CGRRF1: variants seen among roughly 807,000 people sequenced by gnomAD.
The protein encoded by CGRRF1 is cell growth regulator with RING finger domain protein 1.
CGRRF1 carries 32 observed loss-of-function variants against 37.2 expected under a neutral mutation model. That is an observed-to-expected ratio of 0.86 (90% CI 0.65 to 1.16). The LOEUF (loss-of-function observed/expected upper bound fraction) is 1.16. CGRRF1 is among the 50% of genes most tolerant of loss of function. The pLI is 0.00. For synonymous variants in CGRRF1, 141 were observed against 140.3 expected (o/e 1.00, Z -0.04); for missense variants, 391 against 382.6 (o/e 1.02, Z -0.18).
At chr14:54,533,622 A>G (rs1415979401) in intron 4 of CGRRF1, among the ~76,000 whole-genome samples, 14 of 150,926 alleles carry the variant, frequency 9.3e-5, no homozygotes, top group African/African-American at 3.4e-4. Flanking sequence ...GTCAGGGACT[A>G]TATTTTTTTA....
rs143950400 is a variant in CGRRF1, at chr14:54,535,359, TCACACACACACA to T, written c.571-2339_571-2328del. On this transcript the variant is annotated intron_variant, in intron 4 of 5. Coordinates refer to ENST00000216420, the MANE Select transcript of CGRRF1 (RefSeq NM_006568.3). ...ACATGAGCATTTTTGAAGGGTATAG[TCACACACACACA>T]CACACACACACACACACACACACTT... 4.3e-5 allele frequency among the ~76,000 whole-genome samples: 6 copies of T among 140,590 alleles called. No homozygotes were observed. In the East Asian group the frequency reaches 8.7e-4, roughly 20 times the overall value. 92.2% of individuals were successfully genotyped at this position (140,590 alleles called of 152,430 possible). A position where few individuals can be genotyped will look rare whatever the true frequency, so the allele number is the denominator to read the frequency against.
At chr14:54,518,289 T>G (rs1452676108) in intron 1 of CGRRF1, among the ~76,000 whole-genome samples, 1 of 152,148 alleles carries the variant, frequency 6.6e-6, no homozygotes, top group Admixed American at 6.5e-5. Context: ...CTCATGCCTG[T>G]AATCCTAGCA....
At chr14:54,515,776 A>G (rs1455993883) in intron 1 of CGRRF1, among the ~76,000 whole-genome samples, 2 of 151,914 alleles carry the variant, frequency 1.3e-5, no homozygotes, top group Non-Finnish European at 2.9e-5. Context: ...TCTTTTTTTC[A>G]TCCTTTTACT....
chr14:54,535,172 A>G (rs1034768212), intron 4 of CGRRF1, among the ~76,000 whole-genome samples: 31 of 152,224 alleles, frequency 2.0e-4, no homozygotes, highest in South Asian at 6.2e-4. Context: ...TAACCACAGT[A>G]TAGTCATCTG....
At chr14:54,537,393 GTTTAATACTGAT>G (rs2032617056) in intron 4 of CGRRF1, 1 of 160,278 alleles carries the variant, frequency 6.2e-6, no homozygotes, top group African/African-American at 2.4e-5. Flanking sequence ...TTAAAAGACT[GTTTAATACTGAT>G]TTTAATTCCT....
rs368320914 is a variant in CGRRF1, at chr14:54,516,154, A to G, written c.104+6091A>G. Among the ~76,000 whole-genome samples the G allele has an allele frequency of 9.2e-5, 14 of 152,282 alleles. No individual in the cohort carries two copies. In the East Asian group the frequency reaches 1.2e-3, roughly 13 times the overall value. Reference sequence around the variant, plus strand: ...GTGGTTGCTTGAAAGTTTATAATGTATCTCTAACTTATCACCATCTACCTT... The same window carrying G: ...GTGGTTGCTTGAAAGTTTATAATGTGTCTCTAACTTATCACCATCTACCTT... On this transcript the variant is annotated intron_variant, in intron 1 of 5. Coordinates refer to ENST00000216420, the MANE Select transcript of CGRRF1 (RefSeq NM_006568.3).
chr14:54,533,322 T>C (rs1233961095), intron 4 of CGRRF1, among the ~76,000 whole-genome samples: 4 of 152,120 alleles, frequency 2.6e-5, no homozygotes, highest in Admixed American at 6.6e-5. Context: ...CTTGTTCCCA[T>C]AGGGAAGCCT....
rs2032630531 is a variant in CGRRF1 at position 54,538,180 on chromosome 14, C to T, written c.796C>T (p.Pro266Ser). ...KVGLSESEVE[P>S]SEENSKDCVV... ...GGGACTCTCTGAAAGTGAAGTTGAG[C>T]CATCGGAAGAGAACAGCAAGGACTG... The change falls in exon 6 of 6, where the codon CCA becomes TCA. Residue 266 changes from proline to serine, a missense_variant. By Grantham distance (74) the Pro-to-Ser change is moderately conservative. Coordinates refer to ENST00000216420, the MANE Select transcript of CGRRF1 (RefSeq NM_006568.3). 1 of 1,613,966 alleles carries T rather than the reference C, an allele frequency of 6.2e-7. No homozygotes were observed. Among genetic ancestry groups the T allele is most frequent in the African/African-American group, 1.3e-5 (1 of 74,864 alleles).
At position 54,525,883 on chromosome 14, in the gene CGRRF1, T is replaced by C. The variant is rs370051503; in HGVS notation, c.244+3290T>C. ...AGGCTGAGACGGGCGGATCCTTGAGTCCAGGAGTTCAAGACCAGCCTGGCC... is the reference window on the plus strand; with the variant it reads ...AGGCTGAGACGGGCGGATCCTTGAGCCCAGGAGTTCAAGACCAGCCTGGCC... On this transcript the variant is annotated intron_variant, in intron 2 of 5. Transcript: ENST00000216420. Among the ~76,000 whole-genome samples the C allele has an allele frequency of 4.6e-5, 7 of 152,072 alleles. No individual in the cohort carries two copies. In the East Asian group the frequency reaches 7.8e-4, roughly 17 times the overall value.
rs143950400 is a variant in CGRRF1, at chr14:54,535,359, TCACACA to T, written c.571-2333_571-2328del. On this transcript the variant is annotated intron_variant, in intron 4 of 5. Coordinates refer to ENST00000216420, the MANE Select transcript of CGRRF1 (RefSeq NM_006568.3). ...ACATGAGCATTTTTGAAGGGTATAGTCACACACACACACACACACACACACACACAC... is the reference window on the plus strand; with the variant it reads ...ACATGAGCATTTTTGAAGGGTATAGTCACACACACACACACACACACACAC... Among the ~76,000 whole-genome samples, 98 of 140,582 alleles carry T rather than the reference TCACACA, an allele frequency of 7.0e-4. 1 individual carries two copies. The highest frequency in any genetic ancestry group is 2.2e-3 in the African/African-American group (83 of 37,448). 92.2% of individuals were successfully genotyped at this position (140,582 alleles called of 152,430 possible). A position where few individuals can be genotyped will look rare whatever the true frequency, so the allele number is the denominator to read the frequency against.
At chr14:54,524,339 A>ATATT (rs367994372) in intron 2 of CGRRF1, among the ~76,000 whole-genome samples, 1 of 152,008 alleles carries the variant, frequency 6.6e-6, no homozygotes, top group African/African-American at 2.4e-5. Flanking sequence ...TTAGTCAAAT[A>ATATT]GATCATCAGG....
chr14:54,518,190 G>T (rs1352572823), intron 1 of CGRRF1, among the ~76,000 whole-genome samples: 1 of 152,120 alleles, frequency 6.6e-6, no homozygotes, highest in African/African-American at 2.4e-5. Context: ...GATTTTTGAG[G>T]AATTGCCATA....
chr14:54,515,259 T>C (rs2032196399), intron 1 of CGRRF1, among the ~76,000 whole-genome samples: 1 of 151,804 alleles, frequency 6.6e-6, no homozygotes, highest in Non-Finnish European at 1.5e-5. Flanking sequence ...CAACTAATTT[T>C]TTTTTTTAAT....
At chr14:54,525,540 C>T (rs1452031132) in intron 2 of CGRRF1, among the ~76,000 whole-genome samples, 20 of 152,240 alleles carry the variant, frequency 1.3e-4, no homozygotes, top group Non-Finnish European at 1.5e-5. Flanking sequence ...TATTATCTTT[C>T]TCCTATGGGG....
At chr14:54,518,657 G>A (rs1411149216) in intron 1 of CGRRF1, among the ~76,000 whole-genome samples, 1 of 152,090 alleles carries the variant, frequency 6.6e-6, no homozygotes, top group Non-Finnish European at 1.5e-5. Flanking sequence ...GCGTGAAATG[G>A]TATCTCATTG....
rs1450169214 is a variant in CGRRF1, at chr14:54,525,072, T to G, written c.244+2479T>G. On this transcript the variant is annotated intron_variant, in intron 2 of 5. Transcript: ENST00000216420. ...AAAAAATAAAATAAAAAATCAAGTG[T>G]ACAGCATAGTGGTGGTTCAATAACC... Among the ~76,000 whole-genome samples, 3 of 152,102 alleles carry G rather than the reference T, an allele frequency of 2.0e-5. No homozygotes were observed. The East Asian group carries it at 5.8e-4, about 29-fold the overall frequency.
At position 54,537,837 on chromosome 14, in the gene CGRRF1, G is replaced by A. The variant is rs368440719; in HGVS notation, c.678+8G>A. ...CAATTTCATGATCTTAAGGTAAGCC[G>A]TACTCTGTAGTCTTATCTCTGTCTC... On this transcript the variant is annotated splice_region_variant and intron_variant, in intron 5 of 5. Transcript: ENST00000216420. 3.0e-5 allele frequency: 48 copies of A among 1,593,092 alleles called. No individual in the cohort carries two copies. The highest frequency in any genetic ancestry group is 9.1e-5 in the East Asian group (4 of 44,126).
chr14:54,512,338 A>G (rs560821523), intron 1 of CGRRF1, among the ~76,000 whole-genome samples: 1 of 152,344 alleles, frequency 6.6e-6, no homozygotes, highest in African/African-American at 2.4e-5. Context: ...GAAGCATGCA[A>G]CTGGAAATAT....
At chr14:54,527,342 T>C (rs1459870167) in intron 2 of CGRRF1, among the ~76,000 whole-genome samples, 2 of 152,174 alleles carry the variant, frequency 1.3e-5, no homozygotes, top group African/African-American at 2.4e-5. Context: ...TAAAAGATTA[T>C]AGAGATATAC....
Sources: gnomAD v4.1 joint callset for allele counts (sites outside exome capture counted in the v4.1 genomes callset) on GRCh38, gnomAD v4.1.1 for gene constraint, MANE v1.5 for transcripts, NCBI Gene and HGNC (gene_info 2026-07-23, HGNC 2026-07-21) for gene names.